The following MYO15B variants were observed in gnomAD, a reference collection of about 807,000 sequenced individuals.
The protein encoded by MYO15B is myosin XVB.
MYO15B carries 207 observed loss-of-function variants against 119.3 expected under a neutral mutation model. The observed-to-expected ratio is 1.73, with a 90% confidence interval of 1.55 to 1.95. The LOEUF is 1.95. MYO15B is among the 30% of genes most tolerant of loss of function. The pLI, the probability that MYO15B is intolerant of heterozygous loss-of-function variation, is 0.00. For missense variants in MYO15B, 2,264 were observed against 1,203.1 expected, an observed-to-expected ratio of 1.88 and a Z score of -13.04; for synonymous variants, 966 against 498.9, an observed-to-expected ratio of 1.94 and a Z score of -12.48.
rs553289727 is a variant in MYO15B at position 75,612,959 on chromosome 17, C to T, written c.4732-15C>T. 7.1e-5 allele frequency: 49 copies of T among 687,172 alleles called. No individual in the cohort carries two copies. The highest frequency in any genetic ancestry group is 4.2e-4 in the African/African-American group (24 of 57,110). 42.6% of individuals were successfully genotyped at this position (687,172 alleles called of 1,614,324 possible). On this transcript the variant is annotated splice_polypyrimidine_tract_variant and intron_variant, in intron 26 of 63. Transcript: ENST00000645453. ...GAGCCCCGCACGTCCTGTCCTTACC[C>T]GGCTGTGTCGGCAGATGCTGCGGCT...
intron 50 of MYO15B, 26 bp from the exon 51 acceptor site, chr17:75,621,319 G>T (rs191566004): frequency 1.4e-6 from 1 of 690,254 alleles, no homozygotes; most frequent in Non-Finnish European, 2.7e-6. Flanking sequence ...CAAACAAGCT[G>T]GGCTGTCTCC....
intron 21 of MYO15B, among the ~76,000 whole-genome samples, chr17:75,607,946 G>A (rs752546688): frequency 5.3e-5 from 8 of 152,300 alleles, no homozygotes; most frequent in Non-Finnish European, 8.8e-5. Flanking sequence ...ATCCTTGCCA[G>A]TACTTATTCT....
chr17:75,594,301 C>T (rs558198539), intron 9 of MYO15B, among the ~76,000 whole-genome samples, 174 bp from the exon 10 acceptor site: 58 of 152,246 alleles, frequency 3.8e-4, no homozygotes, highest in African/African-American at 1.3e-3. Flanking sequence ...AAGTAGGACT[C>T]GAACTCAGGG....
chr17:75,611,915 A>T, exon 25 of MYO15B: 1 of 702,940 alleles, frequency 1.4e-6, no homozygotes, highest in Non-Finnish European at 2.6e-6. Flanking sequence ...TGGGAGCATC[A>T]CCGAGTGCCT....
chr17:75,596,559 A>C lies in MYO15B; in HGVS notation c.3393+4A>C. 1.4e-6 allele frequency: 1 copy of C among 703,020 alleles called. No individual in the cohort carries two copies. Among genetic ancestry groups the C allele is most frequent in the South Asian group, 1.5e-5 (1 of 67,604 alleles). The allele number at this position is 703,020 out of a possible 1,614,324, so 43.5% of individuals were successfully genotyped here. ...GATGCTGCTGGCCCAGGAGGAGGTA[A>C]GAGGATTGGGCGTGGACGTGGCAGG... On this transcript the variant is annotated splice_donor_region_variant and intron_variant, in intron 13 of 63. Transcript: ENST00000645453.
intron 22 of MYO15B, chr17:75,610,618 CT>C (rs2147959395): frequency 1.8e-6 from 1 of 551,730 alleles, no homozygotes; most frequent in Non-Finnish European, 3.2e-6. Context: ...GTGCTACCCC[CT>C]CTCTGGCCCC....
At chr17:75,588,492 C>T (rs959165378) in exon 1 of MYO15B, 7 of 398,396 alleles carry the variant, frequency 1.8e-5, no homozygotes, top group Non-Finnish European at 2.7e-5. Flanking sequence ...CGCCCAGGAG[C>T]CTCAATGGGG....
chr17:75,611,931 C>G (rs765340348), exon 25 of MYO15B: 1 of 703,028 alleles, frequency 1.4e-6, no homozygotes, highest in South Asian at 1.5e-5. Context: ...TGCCTGCCGC[C>G]TGAGGTTCCT....
chr17:75,591,632 GGGAAGAC>G lies in MYO15B; in HGVS notation c.2473_2479del (p.Thr825ProfsTer9). 1.4e-6 allele frequency: 1 copy of G among 702,864 alleles called. No homozygotes were observed. The highest frequency in any genetic ancestry group is 2.6e-6 in the Non-Finnish European group (1 of 384,962). 43.5% of individuals were successfully genotyped at this position (702,864 alleles called of 1,614,324 possible). A position where few individuals can be genotyped will look rare whatever the true frequency, so the allele number is the denominator to read the frequency against. ...CCACTGCAGTGGGCACAGTGGCTCA[GGGAAGAC>G]GGAAGCCGCCAAAAAGATCATGCAG... is the stretch of plus-strand genomic sequence containing the variant. On this transcript the variant is annotated frameshift_variant, in exon 5 of 64. Transcript: ENST00000645453. LOFTEE classifies it high-confidence loss of function.
At chr17:75,588,613 C>T (rs878971662) in exon 1 of MYO15B, 30 of 399,724 alleles carry the variant, frequency 7.5e-5, no homozygotes, top group Middle Eastern at 6.2e-4. Flanking sequence ...CACGCCGGAG[C>T]CTACGGACAT....
chr17:75,626,264 G>A (rs774112709), intron 63 of MYO15B, 36 bp downstream of exon 63: 6 of 700,944 alleles, frequency 8.6e-6, no homozygotes, highest in Admixed American at 6.0e-5. Context: ...TTGCGAAGGT[G>A]GATGTGAGGG....
At chr17:75,597,676 G>T (rs1332379874) in intron 14 of MYO15B, among the ~76,000 whole-genome samples, 1 of 152,194 alleles carries the variant, frequency 6.6e-6, no homozygotes, top group Non-Finnish European at 1.5e-5. Context: ...TGTAATCCCA[G>T]AACTTTGGGA....
chr17:75,593,887 C>G (rs1450794483), intron 9 of MYO15B, among the ~76,000 whole-genome samples: 1 of 148,616 alleles, frequency 6.7e-6, no homozygotes, highest in Non-Finnish European at 1.5e-5. Flanking sequence ...CCATTGCACT[C>G]CAGCCTGAGC....
Position 75,617,135 on chromosome 17 carries a change from AC to A in MYO15B, c.6648del (p.Lys2217ArgfsTer57). The A allele has an allele frequency of 1.5e-6, 1 of 684,772 alleles. No homozygotes were observed. The highest frequency in any genetic ancestry group is 2.7e-6 in the Non-Finnish European group (1 of 374,306). The allele number at this position is 684,772 out of a possible 1,614,324, so 42.4% of individuals were successfully genotyped here. A position where few individuals can be genotyped will look rare whatever the true frequency, so the allele number is the denominator to read the frequency against. ...GCCCCCCGCCAGCTGTGGCTCCTCG[AC>A]CCAAGGCCCCGCTACAGCTTGGGCC... On this transcript the variant is annotated frameshift_variant, in exon 41 of 64. Coordinates refer to ENST00000645453, the Ensembl canonical transcript of MYO15B. LOFTEE classifies it high-confidence loss of function.
exon 2 of MYO15B, chr17:75,590,683 T>C (rs4788901): frequency 0.094 from 17,068 of 182,540 alleles, 887 homozygotes; most frequent in Middle Eastern, 0.15. Flanking sequence ...ACCTGGGCCG[T>C]ATCTATGTAT....
At chr17:75,626,332 C>G in intron 63 of MYO15B, 75 bp from the exon 64 acceptor site, 1 of 700,936 alleles carries the variant, frequency 1.4e-6, no homozygotes, top group Non-Finnish European at 2.6e-6. Context: ...CCCACTGCTC[C>G]GGAGTGCTGT....
At chr17:75,591,846 C>T (rs2056478393) in intron 5 of MYO15B, 131 bp from the exon 6 acceptor site, 1 of 669,848 alleles carries the variant, frequency 1.5e-6, no homozygotes, top group Non-Finnish European at 2.7e-6. Context: ...CCTCTGGCGT[C>T]TCCTGGGGTC....
At chr17:75,592,282 C>T (rs1211823389) in exon 7 of MYO15B, 4 of 702,894 alleles carry the variant, frequency 5.7e-6, no homozygotes, top group Non-Finnish European at 1.0e-5. Flanking sequence ...CTACTTGAGA[C>T]CTCCAGGGTG....
exon 1 of MYO15B, chr17:75,587,925 G>C (rs755005192): frequency 2.5e-6 from 1 of 396,416 alleles, no homozygotes; most frequent in Admixed American, 4.4e-5. Flanking sequence ...GGGCACCTCG[G>C]GGAGTAGAGC....
Sources: gnomAD v4.1 joint callset for allele counts (sites outside exome capture counted in the v4.1 genomes callset) on GRCh38, gnomAD v4.1.1 for gene constraint, MANE v1.5 for transcripts, NCBI Gene and HGNC (gene_info 2026-07-23, HGNC 2026-07-21) for gene names.